Variants in KIF2A observed in about 807,000 individuals in gnomAD.
KIF2A encodes kinesin-like protein KIF2A.
In KIF2A, 22 loss-of-function variants were observed where a neutral mutation model predicts 100.2. The ratio of observed to expected loss-of-function variants is 0.22; its 90% CI spans 0.16 to 0.31. The LOEUF is 0.31. Ranked by LOEUF, KIF2A falls within the 10% of genes least tolerant of loss-of-function variation. The pLI is 1.00. For synonymous variants in KIF2A, 268 were observed against 285.9 expected (o/e 0.94, Z 0.63); for missense variants, 495 against 898.7 (o/e 0.55, Z 5.74).
chr5:62,318,846 A>G (rs544521063), intron 1 of KIF2A, among the ~76,000 whole-genome samples: 3 of 152,210 alleles, frequency 2.0e-5, no homozygotes, highest in Middle Eastern at 3.4e-3. Context: ...GCATATCTCC[A>G]TTTGGATATC....
intron 16 of KIF2A, among the ~76,000 whole-genome samples, chr5:62,368,212 G>A (rs247222): frequency 0.48 from 73,300 of 151,380 alleles, 18,560 homozygotes; most frequent in East Asian, 0.63. Context: ...TTATTCATCT[G>A]TCTCTACCCT....
Position 62,370,921 on chromosome 5 carries a change from G to A in KIF2A, c.1647-1517G>A, listed in dbSNP as rs148810412. ...AGCTAATAGGGTGTCTAAATTAAAAGATTTAGATAAGAAATGGGGTGGGAG... is the reference window on the plus strand; with the variant it reads ...AGCTAATAGGGTGTCTAAATTAAAAAATTTAGATAAGAAATGGGGTGGGAG... On this transcript the variant is annotated intron_variant, in intron 16 of 20. Transcript: ENST00000407818. Among the ~76,000 whole-genome samples, 125 of 152,236 alleles carry A rather than the reference G, an allele frequency of 8.2e-4. 1 individual carries two copies. The highest frequency in any genetic ancestry group is 2.7e-3 in the African/African-American group (114 of 41,556).
chr5:62,346,964 C>T (rs1747600693), intron 1 of KIF2A, among the ~76,000 whole-genome samples, 166 bp from the exon 2 acceptor site: 1 of 152,044 alleles, frequency 6.6e-6, no homozygotes, highest in Admixed American at 6.6e-5. Context: ...TTTATGGCCC[C>T]GTGGACAAAG....
At chr5:62,308,283 G>A in intron 1 of KIF2A, 1 of 1,299,332 alleles carries the variant, frequency 7.7e-7, no homozygotes, top group South Asian at 1.8e-5. Context: ...TTTCTTGAAA[G>A]AGTGCTGTTA....
At chr5:62,356,224 T>C (rs1163848196) in intron 7 of KIF2A, among the ~76,000 whole-genome samples, 1 of 152,228 alleles carries the variant, frequency 6.6e-6, no homozygotes, top group African/African-American at 2.4e-5. Flanking sequence ...TTGAATAGAA[T>C]TGTTGATAAT....
rs373814002 is a variant in KIF2A, at chr5:62,383,333, C to T, written c.2149+2080C>T. Among the ~76,000 whole-genome samples the T allele has an allele frequency of 4.4e-4, 66 of 148,558 alleles. No individual in the cohort carries two copies. The East Asian group carries it at 0.011, about 25-fold the overall frequency. On this transcript the variant is annotated intron_variant, in intron 20 of 20. Transcript: ENST00000407818. ...TCTTGGCTCAGTGAAAGCTCCGCCT[C>T]CCAGGTTCATGCCATTCTCCTGCCT...
intron 1 of KIF2A, among the ~76,000 whole-genome samples, chr5:62,318,785 T>C (rs932317424): frequency 1.3e-5 from 2 of 152,222 alleles, no homozygotes; most frequent in Non-Finnish European, 2.9e-5. Context: ...TGCTTCTCTT[T>C]AGCCCACATT....
At chr5:62,319,343 G>A (rs1425608949) in intron 1 of KIF2A, among the ~76,000 whole-genome samples, 1 of 152,114 alleles carries the variant, frequency 6.6e-6, no homozygotes, top group East Asian at 1.9e-4. Context: ...GCTTATGGTG[G>A]ACCCTGAACA....
chr5:62,306,549 G>A lies in KIF2A; in HGVS notation c.64+13G>A, dbSNP rs547580385. The A allele has an allele frequency of 6.5e-7, 1 of 1,543,594 alleles. No homozygotes were observed. On this transcript the variant is annotated intron_variant, in intron 1 of 20. Coordinates refer to ENST00000407818, the MANE Select transcript of KIF2A (RefSeq NM_001098511.3). ...AAGCGCAGCGATGGTGAGCCGCGCT[G>A]CCAGCCCCGCTGGCCCGCTCGGCCC...
At chr5:62,357,597 T>C (rs1261380780) in intron 7 of KIF2A, 94 bp from the exon 8 acceptor site, 1 of 591,902 alleles carries the variant, frequency 1.7e-6, no homozygotes, top group African/African-American at 1.9e-5. Flanking sequence ...ATGTATAAAT[T>C]TCTAAAACCC....
rs530240779 is a variant in KIF2A at position 62,358,279 on chromosome 5, T to G, written c.852T>G (p.Ala284=). ...TTGATTATGCCTTTGATGACTCAGC[T>G]CCTAATGAAATGGTTTACAGGTAGG... The part of the protein sequence containing the change: ...FRFDYAFDDS[A]PNEMVYRFTA... Residue 284 remains alanine, a synonymous_variant, in exon 9 of 21, where the codon GCT becomes GCG. Transcript: ENST00000407818. 5 of 1,585,112 alleles carry G rather than the reference T, an allele frequency of 3.2e-6. No individual in the cohort carries two copies. The African/African-American group carries it at 5.5e-5, about 17-fold the overall frequency.
At chr5:62,370,963 T>C (rs1741295914) in intron 16 of KIF2A, among the ~76,000 whole-genome samples, 1 of 152,144 alleles carries the variant, frequency 6.6e-6, no homozygotes, top group African/African-American at 2.4e-5. Flanking sequence ...TAGTTGTTTG[T>C]ATTAGAAATT....
chr5:62,367,467 A>T (rs1047669098), intron 16 of KIF2A, among the ~76,000 whole-genome samples: 2 of 151,960 alleles, frequency 1.3e-5, no homozygotes, highest in African/African-American at 4.8e-5. Flanking sequence ...GGGTTTCACT[A>T]TGTTGGCTAG....
chr5:62,340,862 A>G (rs558043249), intron 1 of KIF2A, among the ~76,000 whole-genome samples: 2 of 152,292 alleles, frequency 1.3e-5, no homozygotes, highest in East Asian at 1.9e-4. Context: ...GAGTAGCTCA[A>G]TGAAAAGCCA....
chr5:62,353,205 A>G (rs1250866929), intron 5 of KIF2A, 70 bp from the exon 6 acceptor site: 5 of 754,972 alleles, frequency 6.6e-6, no homozygotes, highest in African/African-American at 5.5e-5. Context: ...GAAGTTATAC[A>G]TAAAAAAAGT....
At chr5:62,332,652 T>A (rs1409586897) in intron 1 of KIF2A, among the ~76,000 whole-genome samples, 1 of 152,194 alleles carries the variant, frequency 6.6e-6, no homozygotes, top group Non-Finnish European at 1.5e-5. Flanking sequence ...GTCATTTTTT[T>A]AGGTCAAATG....
At chr5:62,384,795 A>G (rs993542996) in intron 20 of KIF2A, among the ~76,000 whole-genome samples, 1 of 152,078 alleles carries the variant, frequency 6.6e-6, no homozygotes, top group Non-Finnish European at 1.5e-5. Flanking sequence ...TGAGGACAAA[A>G]TGTAAATTTC....
intron 15 of KIF2A, among the ~76,000 whole-genome samples, chr5:62,365,917 G>A (rs1301478747): frequency 6.6e-6 from 1 of 152,042 alleles, no homozygotes; most frequent in African/African-American, 2.4e-5. Flanking sequence ...GTATATAAAA[G>A]TTTGTCCCAG....
chr5:62,386,824 A>C lies in KIF2A; in HGVS notation c.*1255A>C, dbSNP rs945004507. Among the ~76,000 whole-genome samples, 5 of 152,224 alleles carry C rather than the reference A, an allele frequency of 3.3e-5. No individual in the cohort carries two copies. The highest frequency in any genetic ancestry group is 7.3e-5 in the Non-Finnish European group (5 of 68,030). The stretch of plus-strand genomic sequence containing the variant: ...GCAGCACTTATTTTTACAGATTGCT[A>C]CTCCAAGGAAGAAAACTGGCCACTT... On this transcript the variant is annotated 3_prime_UTR_variant, in exon 21 of 21. Coordinates refer to ENST00000407818, the MANE Select transcript of KIF2A (RefSeq NM_001098511.3).
Sources: allele counts gnomAD v4.1 joint callset (sites outside exome capture counted in the v4.1 genomes callset), GRCh38; gene constraint gnomAD v4.1.1; transcripts MANE v1.5; gene names NCBI Gene and HGNC (gene_info 2026-07-23, HGNC 2026-07-21).